The following RANBP17 variants were observed in gnomAD, a reference collection of about 807,000 sequenced individuals.
RANBP17 encodes the protein ran-binding protein 17.
A neutral mutation model predicts 141.2 loss-of-function variants in RANBP17; 158 were observed. The observed-to-expected ratio is 1.12, with a 90% CI of 0.98 to 1.28. The LOEUF (loss-of-function observed/expected upper bound fraction) is 1.28. Ranked by LOEUF, RANBP17 falls within the 50% of genes most tolerant of loss-of-function variation. The pLI is 0.00. For missense variants in RANBP17, 1,438 were observed against 1,290.7 expected, an observed-to-expected ratio of 1.11 and a Z score of -1.75; for synonymous variants, 430 against 450.0, an observed-to-expected ratio of 0.96 and a Z score of 0.56.
At position 170,896,121 on chromosome 5, in the gene RANBP17, C is replaced by T. The variant is rs777003267; in HGVS notation, c.489+6C>T. The stretch of plus-strand genomic sequence containing the variant: ...TGACTCAGGAAATGAACCTGGTAAG[C>T]GAGCCTTTCCATCTAACAGGAGCCT... On this transcript the variant is annotated splice_donor_region_variant and intron_variant, in intron 5 of 27. Coordinates refer to ENST00000523189, the MANE Select transcript of RANBP17 (RefSeq NM_022897.5). 20 of 1,591,290 alleles carry T rather than the reference C, an allele frequency of 1.3e-5. No individual in the cohort carries two copies. The highest frequency in any genetic ancestry group is 6.9e-5 in the Admixed American group (4 of 57,918).
chr5:171,127,696 G>T (rs914795664), intron 14 of RANBP17, among the ~76,000 whole-genome samples: 10 of 152,084 alleles, frequency 6.6e-5, no homozygotes, highest in Non-Finnish European at 1.5e-4. Flanking sequence ...TTATCAAAAA[G>T]ACAATAAATA....
chr5:170,892,280 T>C (rs1182604291), intron 3 of RANBP17, 107 bp from the exon 4 acceptor site: 3 of 899,784 alleles, frequency 3.3e-6, no homozygotes, highest in Non-Finnish European at 5.2e-6. Context: ...GTATTTGTCC[T>C]AATGCTCTCC....
chr5:171,042,448 T>G (rs922271968), intron 14 of RANBP17, among the ~76,000 whole-genome samples: 6 of 152,154 alleles, frequency 3.9e-5, no homozygotes, highest in Non-Finnish European at 8.8e-5. Context: ...AGTGCATGGC[T>G]TTTGTACGTC....
intron 24 of RANBP17, among the ~76,000 whole-genome samples, chr5:171,264,526 A>G (rs557600924): frequency 9.8e-5 from 15 of 152,328 alleles, no homozygotes; most frequent in Non-Finnish European, 1.8e-4. Flanking sequence ...CCTAAAACTC[A>G]GTGTCCTCAC....
chr5:170,989,133 T>C (rs1468196970), intron 14 of RANBP17, among the ~76,000 whole-genome samples: 1 of 151,844 alleles, frequency 6.6e-6, no homozygotes, highest in Non-Finnish European at 1.5e-5. Context: ...TTGTCAAAAA[T>C]AGTTGTCAGT....
Position 170,921,784 on chromosome 5 carries a change from C to T in RANBP17, c.1274+2171C>T, listed in dbSNP as rs555844443. On this transcript the variant is annotated intron_variant, in intron 11 of 27. Transcript: ENST00000523189. Reference sequence around the variant, plus strand: ...TGGGTTAGAATATGCTCCTTTAGCTCGGAGAAGTTTGTTATTACCAACCTT... The same window carrying T: ...TGGGTTAGAATATGCTCCTTTAGCTTGGAGAAGTTTGTTATTACCAACCTT... Among the ~76,000 whole-genome samples the T allele has an allele frequency of 4.6e-5, 7 of 152,192 alleles. No individual in the cohort carries two copies. The East Asian group carries it at 1.2e-3, about 25-fold the overall frequency.
At chr5:171,149,720 C>T (rs572497982) in intron 14 of RANBP17, among the ~76,000 whole-genome samples, 1 of 152,260 alleles carries the variant, frequency 6.6e-6, no homozygotes, top group African/African-American at 2.4e-5. Flanking sequence ...TAAGCCAGGC[C>T]TTAATATCTC....
At chr5:171,069,011 G>C (rs1293509314) in intron 14 of RANBP17, among the ~76,000 whole-genome samples, 2 of 152,132 alleles carry the variant, frequency 1.3e-5, no homozygotes, top group Non-Finnish European at 2.9e-5. Context: ...GTCATGTGTG[G>C]TCACTGAGGT....
chr5:171,109,987 G>A (rs1358176921), intron 14 of RANBP17, among the ~76,000 whole-genome samples: 1 of 152,006 alleles, frequency 6.6e-6, no homozygotes, highest in East Asian at 1.9e-4. Context: ...TGAGATGAGG[G>A]TTATTGAGAA....
intron 14 of RANBP17, among the ~76,000 whole-genome samples, chr5:171,012,066 ACGAATATATTGTTTGTTTATTTGTT>A: frequency 1.1e-5 from 1 of 94,470 alleles, no homozygotes. Flanking sequence ...ATTTGTTTAA[ACGAATATATTGTTTGTTTATTTGTT>A]TAAACAAATA....
At chr5:171,165,339 G>A (rs867579460) in intron 14 of RANBP17, among the ~76,000 whole-genome samples, 2 of 151,896 alleles carry the variant, frequency 1.3e-5, no homozygotes, top group African/African-American at 4.8e-5. Flanking sequence ...ACGCCACGAC[G>A]CTCGGCTAAT....
chr5:171,122,212 C>T (rs1454949125), intron 14 of RANBP17, among the ~76,000 whole-genome samples: 1 of 152,190 alleles, frequency 6.6e-6, no homozygotes, highest in African/African-American at 2.4e-5. Context: ...TCTGCACTCC[C>T]CTGCTGTACT....
intron 20 of RANBP17, chr5:171,207,149 C>T (rs568518830): frequency 6.2e-6 from 1 of 160,654 alleles, no homozygotes. Flanking sequence ...TCTTTTATTT[C>T]TCTAAACATA....
chr5:171,194,616 C>T (rs1761855759), intron 18 of RANBP17, among the ~76,000 whole-genome samples: 1 of 152,164 alleles, frequency 6.6e-6, no homozygotes, highest in South Asian at 2.1e-4. Context: ...AGTTGATGAA[C>T]ATTTGAGTTT....
chr5:171,062,344 G>A (rs1036070438), intron 14 of RANBP17, among the ~76,000 whole-genome samples: 2 of 152,182 alleles, frequency 1.3e-5, no homozygotes, highest in African/African-American at 4.8e-5. Flanking sequence ...AGCTCTTGTA[G>A]GGCAGGCCTA....
chr5:170,988,386 G>C (rs922885400), intron 14 of RANBP17, among the ~76,000 whole-genome samples: 7 of 115,352 alleles, frequency 6.1e-5, no homozygotes, highest in African/African-American at 2.0e-4. Flanking sequence ...TTTTTTTTTG[G>C]TGATTCTAGG....
chr5:171,253,538 G>C (rs1315811610), intron 24 of RANBP17, among the ~76,000 whole-genome samples: 1 of 152,208 alleles, frequency 6.6e-6, no homozygotes, highest in Non-Finnish European at 1.5e-5. Context: ...AGATGTTTTG[G>C]TTCTCTGAAG....
intron 24 of RANBP17, among the ~76,000 whole-genome samples, chr5:171,251,477 C>G (rs1765554161): frequency 6.9e-6 from 1 of 145,606 alleles, no homozygotes; most frequent in African/African-American, 2.6e-5. Context: ...GGAAACTATA[C>G]AAATAAATGG....
At position 171,242,997 on chromosome 5, in the gene RANBP17, TAGTC is replaced by T. The variant is rs576292197; in HGVS notation, c.2776+181_2776+184del. The T allele has an allele frequency of 1.1e-3, 701 of 625,262 alleles. 3 individuals are homozygous for T. The highest frequency in any genetic ancestry group is 1.6e-3 in the Non-Finnish European group (582 of 360,610). The allele number at this position is 625,262 out of a possible 1,614,324, so 38.7% of individuals were successfully genotyped here. ...ATGTATTTCTTCATATTTTGATACATAGTCAGTTATGTTTTAATCAGCTTTACTG... is the reference window on the plus strand; with the variant it reads ...ATGTATTTCTTCATATTTTGATACATAGTTATGTTTTAATCAGCTTTACTG... On this transcript the variant is annotated intron_variant, in intron 24 of 27. Transcript: ENST00000523189.
Sources: allele counts gnomAD v4.1 joint callset (sites outside exome capture counted in the v4.1 genomes callset), GRCh38; gene constraint gnomAD v4.1.1; transcripts MANE v1.5; gene names NCBI Gene and HGNC (gene_info 2026-07-23, HGNC 2026-07-21).